The following MCU variants were observed in gnomAD, a reference collection of about 807,000 sequenced individuals.
MCU encodes the protein calcium uniporter protein, mitochondrial.
Under a neutral mutation model 45.2 loss-of-function variants are expected in MCU, and 12 were observed. The observed-to-expected ratio is 0.27, with a 90% CI of 0.17 to 0.43. The LOEUF is 0.43. Among genes scored for constraint, MCU ranks in the 20% least tolerant of loss-of-function variants. The pLI is 1.00. For missense variants in MCU, 324 were observed against 436.7 expected (o/e 0.74, Z 2.30); for synonymous variants, 160 against 165.1 (o/e 0.97, Z 0.24).
intron 1 of MCU, chr10:72,693,205 A>T: frequency 8.1e-6 from 7 of 867,962 alleles, no homozygotes; most frequent in African/African-American, 1.7e-5. Flanking sequence ...TGTGTGAGAG[A>T]GAGAGAGACA....
At chr10:72,752,087 C>G (rs755652918) in intron 1 of MCU, among the ~76,000 whole-genome samples, 1 of 152,002 alleles carries the variant, frequency 6.6e-6, no homozygotes, top group Non-Finnish European at 1.5e-5. Context: ...GATCCACCCC[C>G]CTAGGCCTCC....
At chr10:72,760,712 CTTTCTTTTTTTTT>C (rs1218086461) in intron 1 of MCU, 1 of 116,816 alleles carries the variant, frequency 8.6e-6, no homozygotes, top group Non-Finnish European at 1.8e-5. Context: ...TTTTTTTTTT[CTTTCTTTTTTTTT>C]TTTTTTTTGC....
chr10:72,751,164 C>T (rs1843488809), intron 1 of MCU, among the ~76,000 whole-genome samples: 1 of 151,266 alleles, frequency 6.6e-6, no homozygotes, highest in African/African-American at 2.4e-5. Context: ...CCATACCTGG[C>T]TAATTTTTTT....
chr10:72,783,785 A>T (rs1844030947), intron 1 of MCU, among the ~76,000 whole-genome samples: 1 of 152,170 alleles, frequency 6.6e-6, no homozygotes, highest in South Asian at 2.1e-4. Flanking sequence ...CCTAAAATCA[A>T]ATGCCTATAG....
chr10:72,713,007 A>G (rs1842913957), intron 1 of MCU, among the ~76,000 whole-genome samples: 1 of 152,218 alleles, frequency 6.6e-6, no homozygotes, highest in Non-Finnish European at 1.5e-5. Context: ...AGCAAACACA[A>G]GCCAAAATTA....
chr10:72,699,316 C>G (rs1420043587), intron 1 of MCU, among the ~76,000 whole-genome samples: 1 of 152,026 alleles, frequency 6.6e-6, no homozygotes, highest in African/African-American at 2.4e-5. Context: ...ACCAGCCTGA[C>G]TAATATGGTG....
intron 1 of MCU, among the ~76,000 whole-genome samples, chr10:72,784,021 A>G (rs903645535): frequency 6.6e-6 from 1 of 152,154 alleles, no homozygotes; most frequent in African/African-American, 2.4e-5. Context: ...TGGCTGTTCC[A>G]CGTAATTAAC....
In MCU at chr10:72,868,739, A is replaced by T. The variant is rs1236964336; in HGVS notation, c.533A>T (p.Asp178Val). The T allele has an allele frequency of 6.2e-6, 10 of 1,613,986 alleles. No homozygotes were observed. Among genetic ancestry groups the T allele is most frequent in the Non-Finnish European group, 7.6e-6 (9 of 1,180,010 alleles). The change falls in exon 5 of 8, where the codon GAT becomes GTT. Residue 178 changes from aspartate to valine, a missense_variant. Around this residue, in one of 4 missense-constraint regions of MCU, gnomAD observed 135 missense variants for 207.3 expected, o/e 0.65. Transcript: ENST00000373053. ...LSHENAATLNDVKTLVQQLYT... is the reference protein window; with the variant it reads ...LSHENAATLNVVKTLVQQLYT... ...CATGAAAATGCAGCAACGCTGAATG[A>T]TGTAAAGACATTGGTCCAGCAACTA...
At chr10:72,774,851 T>C (rs1030908311) in intron 1 of MCU, among the ~76,000 whole-genome samples, 1 of 152,062 alleles carries the variant, frequency 6.6e-6, no homozygotes, top group Non-Finnish European at 1.5e-5. Context: ...GATATACCAA[T>C]TATATTATAA....
At chr10:72,789,578 A>C (rs1476200543) in intron 1 of MCU, among the ~76,000 whole-genome samples, 5 of 152,140 alleles carry the variant, frequency 3.3e-5, no homozygotes, top group Non-Finnish European at 7.3e-5. Flanking sequence ...CTCCATTTTC[A>C]TACTACATCC....
chr10:72,822,495 T>C (rs1844728289), intron 1 of MCU, among the ~76,000 whole-genome samples: 1 of 152,110 alleles, frequency 6.6e-6, no homozygotes, highest in African/African-American at 2.4e-5. Flanking sequence ...AACACTAAAC[T>C]TGATAATAAA....
chr10:72,876,943 A>T (rs552420274), intron 6 of MCU, among the ~76,000 whole-genome samples: 3 of 138,964 alleles, frequency 2.2e-5, no homozygotes, highest in Admixed American at 7.3e-5. Flanking sequence ...TTTTTTTGAG[A>T]CAGGGTTTTA....
chr10:72,736,180 A>T (rs1469640834), intron 1 of MCU, among the ~76,000 whole-genome samples: 1 of 152,116 alleles, frequency 6.6e-6, no homozygotes, highest in African/African-American at 2.4e-5. Context: ...TGGACGTTGG[A>T]TATATGGATT....
intron 1 of MCU, among the ~76,000 whole-genome samples, chr10:72,819,517 C>T (rs1844677868): frequency 6.6e-6 from 1 of 152,254 alleles, no homozygotes; most frequent in East Asian, 1.9e-4. Context: ...AAAGTTTTTA[C>T]ATTCAAGGAG....
chr10:72,723,143 C>A (rs1382999028), intron 1 of MCU, among the ~76,000 whole-genome samples: 1 of 152,098 alleles, frequency 6.6e-6, no homozygotes, highest in Non-Finnish European at 1.5e-5. Context: ...TTGCAGTGAG[C>A]CGAGATTGGG....
intron 6 of MCU, among the ~76,000 whole-genome samples, chr10:72,880,478 C>CGG (rs11286927): frequency 6.2e-4 from 86 of 139,104 alleles, no homozygotes; most frequent in South Asian, 2.1e-3. Context: ...GAAGGCAAAG[C>CGG]GGGGGGGGGG....
chr10:72,754,576 G>T (rs1843547817), intron 1 of MCU, among the ~76,000 whole-genome samples: 1 of 152,152 alleles, frequency 6.6e-6, no homozygotes, highest in Non-Finnish European at 1.5e-5. Flanking sequence ...CATAGACCCT[G>T]TCTTTACAAA....
At chr10:72,714,698 C>T (rs897877507) in intron 1 of MCU, among the ~76,000 whole-genome samples, 4 of 152,076 alleles carry the variant, frequency 2.6e-5, no homozygotes, top group South Asian at 2.1e-4. Flanking sequence ...GCATGCAACA[C>T]CACGCTGGGC....
chr10:72,704,704 ATTTTTTTTTTTTTTT>A (rs1162093579), intron 1 of MCU, among the ~76,000 whole-genome samples: 2 of 106,746 alleles, frequency 1.9e-5, no homozygotes, highest in African/African-American at 8.8e-5. Flanking sequence ...TGCCTGGATA[ATTTTTTTTTTTTTTT>A]TTTTTTTTTT....
Sources: allele counts gnomAD v4.1 joint callset (sites outside exome capture counted in the v4.1 genomes callset), GRCh38; gene constraint gnomAD v4.1.1; regional missense constraint gnomAD v4.1.1; transcripts MANE v1.5; gene names NCBI Gene and HGNC (gene_info 2026-07-23, HGNC 2026-07-21).